The following UAP1 variants were observed in gnomAD, a reference collection of about 807,000 sequenced individuals.
UAP1 encodes UDP-N-acetylglucosamine pyrophosphorylase 1.
A neutral mutation model predicts 58.5 loss-of-function variants in UAP1; 25 were observed. That is an observed-to-expected ratio of 0.43 (90% CI 0.31 to 0.60). The LOEUF (loss-of-function observed/expected upper bound fraction) is 0.60. Ranked by LOEUF, UAP1 falls within the 20% of genes least tolerant of loss-of-function variation. UAP1 has a pLI of 0.11. For missense variants in UAP1, 575 were observed against 630.0 expected (o/e 0.91, Z 0.93); for synonymous variants, 208 against 213.0 (o/e 0.98, Z 0.21).
At chr1:162,571,007 A>G (rs1461930704) in intron 2 of UAP1, among the ~76,000 whole-genome samples, 1 of 151,698 alleles carries the variant, frequency 6.6e-6, no homozygotes, top group African/African-American at 2.4e-5. Context: ...TATCAGAAAA[A>G]GTGCTTAGAT....
intron 8 of UAP1, 49 bp from the exon 9 acceptor site, chr1:162,592,683 T>C (rs1466164370): frequency 3.6e-6 from 5 of 1,370,018 alleles, no homozygotes; most frequent in East Asian, 2.5e-5. Context: ...TTCATTGTTA[T>C]TGTTTGATTT....
chr1:162,567,075 G>T (rs906952225), intron 2 of UAP1, among the ~76,000 whole-genome samples: 10 of 152,104 alleles, frequency 6.6e-5, no homozygotes, highest in Non-Finnish European at 1.0e-4. Context: ...AGCTTGATGT[G>T]CCCTTTGCCC....
Position 162,599,745 on chromosome 1 carries a change from A to G in UAP1, c.*382A>G, listed in dbSNP as rs148679539. The stretch of plus-strand genomic sequence containing the variant: ...TCATTGTACATGTTGAAAGGTTTCT[A>G]TGGTACTAAAAGTTTGTTTTATTTT... On this transcript the variant is annotated 3_prime_UTR_variant, in exon 11 of 11. Coordinates refer to ENST00000271469, the Ensembl canonical transcript of UAP1. 17 of 156,734 alleles carry G rather than the reference A, an allele frequency of 1.1e-4. No individual in the cohort carries two copies. The East Asian group carries it at 1.7e-3, about 15-fold the overall frequency. The allele number at this position is 156,734 out of a possible 1,614,324, so 9.7% of individuals were successfully genotyped here.
chr1:162,583,091 C>T (rs1372087543), intron 5 of UAP1, among the ~76,000 whole-genome samples: 1 of 150,828 alleles, frequency 6.6e-6, no homozygotes, highest in African/African-American at 2.4e-5. Flanking sequence ...ATTCTCCTGC[C>T]TCACCCTCCC....
At chr1:162,592,596 C>G in intron 8 of UAP1, 136 bp from the exon 9 acceptor site, 1 of 653,184 alleles carries the variant, frequency 1.5e-6, no homozygotes, top group Non-Finnish European at 2.7e-6. Flanking sequence ...TTTTTTACCC[C>G]CTTTTGGTCT....
Position 162,590,321 on chromosome 1 carries a change from A to G in UAP1, c.1170-2A>G. The G allele has an allele frequency of 6.2e-7, 1 of 1,609,074 alleles. No individual in the cohort carries two copies. The highest frequency in any genetic ancestry group is 1.3e-5 in the African/African-American group (1 of 74,846). On this transcript the variant is annotated splice_acceptor_variant, in intron 7 of 10. Coordinates refer to ENST00000271469, the Ensembl canonical transcript of UAP1. LOFTEE classifies it high-confidence loss of function. ...AGAGGTCTTTATATGGTTTCGCTCT[A>G]GGAAGTTTGTGGTATATGAAGTATT...
Position 162,592,390 on chromosome 1 carries a change from A to C in UAP1, c.1359-342A>C, listed in dbSNP as rs1034959752. Among the ~76,000 whole-genome samples the C allele has an allele frequency of 1.2e-4, 19 of 152,302 alleles. No homozygotes were observed. The East Asian group carries it at 3.7e-3, about 29-fold the overall frequency. ...GGTGACAGAGTGAGACTCCATCTCAAGAAAAATAATAAAATGTTAGAGAAC... is the reference window on the plus strand; with the variant it reads ...GGTGACAGAGTGAGACTCCATCTCACGAAAAATAATAAAATGTTAGAGAAC... On this transcript the variant is annotated intron_variant, in intron 8 of 10. Coordinates refer to ENST00000271469, the Ensembl canonical transcript of UAP1.
chr1:162,579,589 T>C (rs774294138), exon 4 of UAP1: 1 of 1,591,190 alleles, frequency 6.3e-7, no homozygotes, highest in Non-Finnish European at 8.6e-7. Flanking sequence ...AAGAACAAAG[T>C]TTCTATGGCT....
chr1:162,589,164 A>AAT lies in UAP1; in HGVS notation c.1169+337_1169+338dup, dbSNP rs1170382439. ...TATTTATATAATATATATTATATAT[A>AAT]ATATATAAATATTATATATAATATA... On this transcript the variant is annotated intron_variant, in intron 7 of 10. Transcript: ENST00000271469. Among the ~76,000 whole-genome samples the AAT allele has an allele frequency of 3.5e-3, 350 of 100,716 alleles. 1 individual carries two copies. The highest frequency in any genetic ancestry group is 0.014 in the African/African-American group (330 of 24,440). The allele number at this position is 100,716 out of a possible 152,430, so 66.1% of individuals were successfully genotyped here. A position where few individuals can be genotyped will look rare whatever the true frequency, so the allele number is the denominator to read the frequency against.
chr1:162,573,257 G>A (rs1653978092), intron 2 of UAP1, among the ~76,000 whole-genome samples: 1 of 151,964 alleles, frequency 6.6e-6, no homozygotes, highest in African/African-American at 2.4e-5. Flanking sequence ...TAGGATGGTG[G>A]GTAAGACAGA....
intron 1 of UAP1, among the ~76,000 whole-genome samples, chr1:162,563,015 T>G (rs1264377094): frequency 2.6e-5 from 4 of 152,338 alleles, no homozygotes; most frequent in African/African-American, 9.6e-5. Flanking sequence ...TTGATGCAGA[T>G]GGATTAGGCT....
chr1:162,592,021 C>A (rs540915559), intron 8 of UAP1, among the ~76,000 whole-genome samples: 1 of 152,138 alleles, frequency 6.6e-6, no homozygotes, highest in African/African-American at 2.4e-5. Context: ...CTGGTATATC[C>A]GTACTTATGT....
At chr1:162,599,319 A>G (rs1169888447) in exon 11 of UAP1, 4 of 1,612,444 alleles carry the variant, frequency 2.5e-6, no homozygotes, top group Non-Finnish European at 2.5e-6. Flanking sequence ...ACCTCTAATC[A>G]TCGATGAGAA....
At chr1:162,565,757 A>G (rs1420156117) in intron 1 of UAP1, among the ~76,000 whole-genome samples, 1 of 152,202 alleles carries the variant, frequency 6.6e-6, no homozygotes, top group African/African-American at 2.4e-5. Context: ...TCTCAGCTGT[A>G]AAAGAGTGGT....
At chr1:162,588,350 C>T (rs1156958519) in intron 6 of UAP1, among the ~76,000 whole-genome samples, 2 of 152,164 alleles carry the variant, frequency 1.3e-5, no homozygotes, top group African/African-American at 4.8e-5. Context: ...CAAAATATTT[C>T]CCATTCTATG....
chr1:162,587,449 C>G, intron 5 of UAP1, 26 bp from the exon 6 acceptor site: 1 of 1,566,710 alleles, frequency 6.4e-7, no homozygotes, highest in Non-Finnish European at 8.7e-7. Context: ...CAATTTCCTC[C>G]TCTACTGTTT....
downstream of UAP1, among the ~76,000 whole-genome samples, chr1:162,600,697 T>C (rs568961520): frequency 6.6e-6 from 1 of 152,076 alleles, no homozygotes; most frequent in Admixed American, 6.6e-5. Context: ...CAATCTTACC[T>C]ATTTTTTTTT....
intron 10 of UAP1, among the ~76,000 whole-genome samples, 192 bp downstream of exon 10, chr1:162,598,050 A>G (rs1655714685): frequency 6.6e-6 from 1 of 152,164 alleles, no homozygotes; most frequent in East Asian, 1.9e-4. Context: ...TATCTGAAAA[A>G]TATATACAAT....
chr1:162,595,252 CT>C, intron 9 of UAP1, among the ~76,000 whole-genome samples: 1 of 152,210 alleles, frequency 6.6e-6, no homozygotes, highest in East Asian at 1.9e-4. Flanking sequence ...CTTGGGGTAT[CT>C]TTGTGGTAGT....
Sources: allele counts gnomAD v4.1 joint callset (sites outside exome capture counted in the v4.1 genomes callset), GRCh38; gene constraint gnomAD v4.1.1; transcripts MANE v1.5; gene names NCBI Gene and HGNC (gene_info 2026-07-23, HGNC 2026-07-21).